ASIC2: variants seen among roughly 807,000 people sequenced by gnomAD.
The protein encoded by ASIC2 is acid sensing ion channel subunit 2, also known as acid-sensing ion channel 2.
ASIC2 carries 25 observed loss-of-function variants against 57.3 expected under a neutral mutation model. The ratio of observed to expected loss-of-function variants is 0.44; its 90% CI spans 0.32 to 0.61. The LOEUF is 0.61. Among genes scored for constraint, ASIC2 ranks in the 20% least tolerant of loss-of-function variants. ASIC2 has a pLI of 0.06. For missense variants in ASIC2, 641 were observed against 738.1 expected, an observed-to-expected ratio of 0.87 and a Z score of 1.52; for synonymous variants, 319 against 307.5, an observed-to-expected ratio of 1.04 and a Z score of -0.39.
At chr17:33,166,351 C>T (rs1460805824) in intron 1 of ASIC2, among the ~76,000 whole-genome samples, 3 of 152,174 alleles carry the variant, frequency 2.0e-5, no homozygotes, top group African/African-American at 7.2e-5. Flanking sequence ...TCAAAAAGCT[C>T]ATTGTTGGGG....
At position 33,087,339 on chromosome 17, in the gene ASIC2, T is replaced by C. The variant is rs114034993; in HGVS notation, c.987+1524A>G. ...TACCCTTGGATATTCCCTTTTCTGCTTGCATCACTTGTCTCAGTTTCTGGG... is the reference window on the plus strand; with the variant it reads ...TACCCTTGGATATTCCCTTTTCTGCCTGCATCACTTGTCTCAGTTTCTGGG... On this transcript the variant is annotated intron_variant, in intron 3 of 9. Coordinates refer to ENST00000225823, the MANE Select transcript of ASIC2 (RefSeq NM_183377.2). 6.0e-3 allele frequency among the ~76,000 whole-genome samples: 910 copies of C among 152,218 alleles called. 8 individuals are homozygous for C. Among genetic ancestry groups the C allele is most frequent in the African/African-American group, 0.021 (875 of 41,542 alleles).
chr17:33,721,818 A>G (rs1909398761), intron 1 of ASIC2, among the ~76,000 whole-genome samples: 1 of 152,208 alleles, frequency 6.6e-6, no homozygotes, highest in Admixed American at 6.5e-5. Flanking sequence ...GAGAGGAAAG[A>G]GTGAACACAA....
At chr17:33,325,789 G>C (rs988969194) in intron 1 of ASIC2, among the ~76,000 whole-genome samples, 2 of 152,056 alleles carry the variant, frequency 1.3e-5, no homozygotes, top group African/African-American at 4.8e-5. Flanking sequence ...AGTGGTGATG[G>C]GAAACAGTGG....
At chr17:33,805,787 C>T (rs1912251134) in intron 1 of ASIC2, among the ~76,000 whole-genome samples, 1 of 152,110 alleles carries the variant, frequency 6.6e-6, no homozygotes, top group South Asian at 2.1e-4. Context: ...CTTTCCTCAC[C>T]CAGGGCTTCC....
At chr17:34,023,318 A>C (rs1440396296) in intron 1 of ASIC2, among the ~76,000 whole-genome samples, 1 of 151,158 alleles carries the variant, frequency 6.6e-6, no homozygotes, top group Admixed American at 6.6e-5. Context: ...TAGGATACAA[A>C]TCCCCATGAT....
intron 1 of ASIC2, among the ~76,000 whole-genome samples, chr17:33,275,973 T>A (rs1439731687): frequency 6.6e-6 from 1 of 152,284 alleles, no homozygotes; most frequent in South Asian, 2.1e-4. Flanking sequence ...AACCACATGA[T>A]AATTTTAGGC....
At chr17:33,990,597 T>C (rs1444626106) in intron 1 of ASIC2, among the ~76,000 whole-genome samples, 1 of 152,176 alleles carries the variant, frequency 6.6e-6, no homozygotes, top group Non-Finnish European at 1.5e-5. Context: ...CTCAATTTAG[T>C]TGTACAAACA....
At chr17:33,180,251 C>T (rs567273515) in intron 1 of ASIC2, among the ~76,000 whole-genome samples, 2 of 152,188 alleles carry the variant, frequency 1.3e-5, no homozygotes, top group Non-Finnish European at 2.9e-5. Context: ...CCTGAGCATT[C>T]CAGTTGCATT....
intron 1 of ASIC2, among the ~76,000 whole-genome samples, chr17:33,984,754 C>T (rs146120528): frequency 2.1e-3 from 324 of 152,294 alleles, no homozygotes; most frequent in African/African-American, 7.6e-3. Flanking sequence ...CTAAGCAAGG[C>T]ATGGGCTCTT....
chr17:33,647,623 AGT>A (rs964729449), intron 1 of ASIC2, among the ~76,000 whole-genome samples: 29 of 152,218 alleles, frequency 1.9e-4, no homozygotes, highest in African/African-American at 7.0e-4. Flanking sequence ...TTCACCCATG[AGT>A]GTGTGTGCCT....
At chr17:33,671,114 T>C (rs1907626155) in intron 1 of ASIC2, among the ~76,000 whole-genome samples, 1 of 152,274 alleles carries the variant, frequency 6.6e-6, no homozygotes, top group South Asian at 2.1e-4. Flanking sequence ...TACTCCATGA[T>C]ACAACTTGCT....
intron 1 of ASIC2, among the ~76,000 whole-genome samples, chr17:33,413,380 C>T (rs565013079): frequency 6.6e-6 from 1 of 152,314 alleles, no homozygotes; most frequent in East Asian, 1.9e-4. Context: ...AATCAACAAG[C>T]TTTCTTAAAT....
chr17:34,116,240 T>G (rs1911421191), intron 1 of ASIC2, among the ~76,000 whole-genome samples: 1 of 152,212 alleles, frequency 6.6e-6, no homozygotes, highest in African/African-American at 2.4e-5. Context: ...TTTACCAGTA[T>G]GTATAATGTC....
At chr17:33,369,907 C>T (rs1039578) in intron 1 of ASIC2, among the ~76,000 whole-genome samples, 143,673 of 152,262 alleles carry the variant, frequency 0.94, 67,931 homozygotes, top group East Asian at 0.99. Flanking sequence ...TACCTGCTTG[C>T]CCCCAAATTC....
chr17:33,799,416 T>TTTC (rs1258513913), intron 1 of ASIC2, among the ~76,000 whole-genome samples: 53 of 69,276 alleles, frequency 7.7e-4, no homozygotes, highest in Admixed American at 1.1e-3. Context: ...TCTTTCTTTC[T>TTTC]TTCTTTCTTT....
At chr17:33,498,383 G>A (rs553564431) in intron 1 of ASIC2, among the ~76,000 whole-genome samples, 2 of 152,358 alleles carry the variant, frequency 1.3e-5, no homozygotes, top group African/African-American at 4.8e-5. Flanking sequence ...GAGCGTGGCT[G>A]CTGTAGGTGG....
At position 33,483,479 on chromosome 17, in the gene ASIC2, C is replaced by T. The variant is rs74833838; in HGVS notation, c.556-371412G>A. 9.9e-3 allele frequency among the ~76,000 whole-genome samples: 1,515 copies of T among 152,326 alleles called. 57 individuals carry two copies. Among genetic ancestry groups the T allele is most frequent in the East Asian group, 0.097 (501 of 5,170 alleles). On this transcript the variant is annotated intron_variant, in intron 1 of 9. Coordinates refer to the ASIC2 transcript ENST00000359872. The stretch of plus-strand genomic sequence containing the variant: ...GGAGGAAGAACTGCCTTGCCTCACT[C>T]GGCGGGGCTCTGCACTGGCAGGTGG...
intron 1 of ASIC2, among the ~76,000 whole-genome samples, chr17:34,029,692 G>A (rs7209876): frequency 0.027 from 4,102 of 152,300 alleles, 190 homozygotes; most frequent in African/African-American, 0.094. Flanking sequence ...TGTCTGCACT[G>A]TGAGGACACA....
At chr17:33,371,445 C>T (rs969478110) in intron 1 of ASIC2, among the ~76,000 whole-genome samples, 3 of 152,228 alleles carry the variant, frequency 2.0e-5, no homozygotes, top group African/African-American at 7.2e-5. Flanking sequence ...CCCAGGAAGC[C>T]ACTGAAAAAC....
Sources: gnomAD v4.1 joint callset for allele counts (sites outside exome capture counted in the v4.1 genomes callset) on GRCh38, gnomAD v4.1.1 for gene constraint, MANE v1.5 for transcripts, NCBI Gene and HGNC (gene_info 2026-07-23, HGNC 2026-07-21) for gene names.